Variants in TMEM132C observed in about 807,000 individuals in gnomAD.
The protein encoded by TMEM132C is transmembrane protein 132C.
In TMEM132C, 29 loss-of-function variants were observed where a neutral mutation model predicts 61.4. That is an observed-to-expected ratio of 0.47 (90% confidence interval 0.35 to 0.64). The LOEUF (loss-of-function observed/expected upper bound fraction) is 0.64. Ranked by LOEUF, TMEM132C falls within the 30% of genes least tolerant of loss-of-function variation. TMEM132C has a pLI of 0.00. For synonymous variants in TMEM132C, 656 were observed against 633.1 expected (o/e 1.04, Z -0.54); for missense variants, 1,408 against 1,476.9 (o/e 0.95, Z 0.76).
intron 2 of TMEM132C, among the ~76,000 whole-genome samples, chr12:128,455,553 C>T (rs1035502235): frequency 2.6e-5 from 4 of 152,184 alleles, no homozygotes; most frequent in African/African-American, 9.7e-5. Flanking sequence ...TGACCGTAAA[C>T]GTGTTCAGGA....
In TMEM132C at chr12:128,269,237, G is replaced by C. The variant is rs542652031; in HGVS notation, c.85+1750G>C. ...AGGCGGTGCTAATTGAGCAGGGCGT[G>C]ACCGACCTCCTCCGGGTTTTCACCC... On this transcript the variant is annotated intron_variant, in intron 1 of 8. Coordinates refer to ENST00000435159, the MANE Select transcript of TMEM132C (RefSeq NM_001136103.3). Among the ~76,000 whole-genome samples the C allele has an allele frequency of 1.2e-4, 18 of 152,312 alleles. No homozygotes were observed. In the East Asian group the frequency reaches 3.1e-3, roughly 26 times the overall value.
At chr12:128,652,301 C>G (rs935095415) in intron 4 of TMEM132C, among the ~76,000 whole-genome samples, 5 of 152,214 alleles carry the variant, frequency 3.3e-5, no homozygotes, top group Non-Finnish European at 2.9e-5. Flanking sequence ...CTGCACAGAG[C>G]ACCTGCAAGG....
chr12:128,706,290 GC>G lies in TMEM132C; in HGVS notation c.3323del (p.Ala1108ValfsTer5), dbSNP rs1566021191. On this transcript the variant is annotated frameshift_variant, in exon 9 of 9. Transcript: ENST00000435159. LOFTEE classifies it high-confidence loss of function. ...CTATCTGGAGAAACTCAAAGATAAG[GC>G]TTAGGCCCCTCTAGCCAAAGGGCCC... Reference protein sequence around the residue: ...RNYLEKLKDKA With the variant: ...RNYLEKLKDKX The G allele has an allele frequency of 6.5e-7, 1 of 1,527,456 alleles. No homozygotes were observed. Among genetic ancestry groups the G allele is most frequent in the South Asian group, 1.2e-5 (1 of 81,006 alleles). The allele number at this position is 1,527,456 out of a possible 1,614,324, so 94.6% of individuals were successfully genotyped here.
chr12:128,339,954 A>G (rs1277338353), intron 1 of TMEM132C, among the ~76,000 whole-genome samples: 1 of 152,236 alleles, frequency 6.6e-6, no homozygotes, highest in Non-Finnish European at 1.5e-5. Flanking sequence ...CTCTAATACA[A>G]ACTTGGTCAT....
chr12:128,331,370 C>CT (rs1445054285), intron 1 of TMEM132C, among the ~76,000 whole-genome samples: 2 of 152,206 alleles, frequency 1.3e-5, no homozygotes. Flanking sequence ...CAAATCAGGG[C>CT]TTTTAGAACA....
intron 1 of TMEM132C, among the ~76,000 whole-genome samples, chr12:128,276,944 T>A (rs928670259): frequency 1.3e-4 from 19 of 151,516 alleles, no homozygotes; most frequent in Non-Finnish European, 2.8e-4. Flanking sequence ...GGTCTTATCA[T>A]TGAGTTACAG....
chr12:128,587,313 C>A lies in TMEM132C; in HGVS notation c.1122-28839C>A, dbSNP rs567702979. Among the ~76,000 whole-genome samples, 225 of 152,308 alleles carry A rather than the reference C, an allele frequency of 1.5e-3. 2 individuals are homozygous for A. Among genetic ancestry groups the A allele is most frequent in the Non-Finnish European group, 2.0e-3 (139 of 68,042 alleles). On this transcript the variant is annotated intron_variant, in intron 3 of 8. Coordinates refer to ENST00000435159, the MANE Select transcript of TMEM132C (RefSeq NM_001136103.3). The stretch of plus-strand genomic sequence containing the variant: ...AGCAAAGTGCCAGGACATTCTGTAT[C>A]CGGTGAGGGCTCCCTTCCTCCTAGA...
intron 3 of TMEM132C, among the ~76,000 whole-genome samples, chr12:128,548,478 G>A (rs1443096210): frequency 1.3e-5 from 2 of 152,192 alleles, no homozygotes; most frequent in African/African-American, 4.8e-5. Flanking sequence ...AGGTGTTGCA[G>A]TATGAAAATC....
At chr12:128,350,326 C>A (rs1873298627) in intron 1 of TMEM132C, among the ~76,000 whole-genome samples, 1 of 152,008 alleles carries the variant, frequency 6.6e-6, no homozygotes, top group Non-Finnish European at 1.5e-5. Context: ...ATGTGAATAC[C>A]ATGCTGGGTG....
At chr12:128,388,878 G>T (rs192510946) in intron 1 of TMEM132C, among the ~76,000 whole-genome samples, 1 of 152,208 alleles carries the variant, frequency 6.6e-6, no homozygotes, top group Non-Finnish European at 1.5e-5. Context: ...GGTTTCACAC[G>T]TAGCTTGAGG....
chr12:128,283,591 T>TTC (rs909045781), intron 1 of TMEM132C, among the ~76,000 whole-genome samples: 1 of 152,148 alleles, frequency 6.6e-6, no homozygotes, highest in African/African-American at 2.4e-5. Context: ...CTATCTACTG[T>TTC]TCTCTGTCTA....
chr12:128,327,097 T>C (rs1452039497), intron 1 of TMEM132C, among the ~76,000 whole-genome samples: 1 of 150,082 alleles, frequency 6.7e-6, no homozygotes, highest in Non-Finnish European at 1.5e-5. Context: ...ACTTAATCAT[T>C]TACCAGACCC....
At chr12:128,437,772 G>T (rs1396242222) in intron 2 of TMEM132C, 1 of 152,116 alleles carries the variant, frequency 6.6e-6, no homozygotes, top group African/African-American at 2.4e-5. Context: ...TCTTATTTCT[G>T]ACTAGACTTG....
At chr12:128,583,135 G>T (rs540697916) in intron 3 of TMEM132C, among the ~76,000 whole-genome samples, 1 of 152,254 alleles carries the variant, frequency 6.6e-6, no homozygotes, top group Admixed American at 6.5e-5. Flanking sequence ...TAGGGACATG[G>T]CTAATTAAAT....
At chr12:128,609,459 C>T (rs981750212) in intron 3 of TMEM132C, among the ~76,000 whole-genome samples, 7 of 151,650 alleles carry the variant, frequency 4.6e-5, no homozygotes, top group African/African-American at 1.5e-4. Flanking sequence ...GGTTTTGCCA[C>T]GTTGCCCAGG....
chr12:128,509,453 T>C (rs1269678335), intron 2 of TMEM132C, among the ~76,000 whole-genome samples: 1 of 152,212 alleles, frequency 6.6e-6, no homozygotes, highest in East Asian at 1.9e-4. Context: ...GCATTCTTAG[T>C]GTGCTCAGTA....
intron 3 of TMEM132C, among the ~76,000 whole-genome samples, chr12:128,608,071 A>G (rs1876488656): frequency 6.6e-6 from 1 of 152,168 alleles, no homozygotes; most frequent in African/African-American, 2.4e-5. Flanking sequence ...CTCATCACTC[A>G]CCTGGTACCG....
At chr12:128,545,178 T>G (rs1423207946) in intron 3 of TMEM132C, among the ~76,000 whole-genome samples, 1 of 152,172 alleles carries the variant, frequency 6.6e-6, no homozygotes, top group Non-Finnish European at 1.5e-5. Flanking sequence ...TATAACCACA[T>G]GTACCCACTG....
At chr12:128,609,054 G>C (rs1384686107) in intron 3 of TMEM132C, among the ~76,000 whole-genome samples, 1 of 152,024 alleles carries the variant, frequency 6.6e-6, no homozygotes, top group Non-Finnish European at 1.5e-5. Context: ...TGTCATCCAG[G>C]CTGCAGTGCA....
Sources: allele counts gnomAD v4.1 joint callset (sites outside exome capture counted in the v4.1 genomes callset), GRCh38; gene constraint gnomAD v4.1.1; transcripts MANE v1.5; gene names NCBI Gene and HGNC (gene_info 2026-07-23, HGNC 2026-07-21).